GABRB1: variants seen among roughly 807,000 people sequenced by gnomAD.
The protein encoded by GABRB1 is gamma-aminobutyric acid type A receptor subunit beta1.
GABRB1 carries 17 observed loss-of-function variants against 51.6 expected under a neutral mutation model. The ratio of observed to expected loss-of-function variants is 0.33; its 90% CI spans 0.23 to 0.49. The LOEUF (loss-of-function observed/expected upper bound fraction) is 0.49. Among genes scored for constraint, GABRB1 ranks in the 20% least tolerant of loss-of-function variants. The pLI, the probability that GABRB1 is intolerant of heterozygous loss-of-function variation, is 0.99. For missense variants in GABRB1, 410 were observed against 600.6 expected (o/e 0.68, Z 3.32); for synonymous variants, 247 against 218.9 (o/e 1.13, Z -1.14).
At chr4:47,136,656 C>T (rs1391270737) in intron 3 of GABRB1, among the ~76,000 whole-genome samples, 1 of 152,030 alleles carries the variant, frequency 6.6e-6, no homozygotes, top group African/African-American at 2.4e-5. Context: ...AGAATTCACT[C>T]TAATGATATG....
At chr4:47,218,896 G>A (rs1720658992) in intron 4 of GABRB1, among the ~76,000 whole-genome samples, 1 of 151,808 alleles carries the variant, frequency 6.6e-6, no homozygotes. Context: ...CTACATCTAA[G>A]AATACATAGG....
intron 5 of GABRB1, among the ~76,000 whole-genome samples, chr4:47,370,486 C>CA (rs34604260): frequency 0.017 from 2,348 of 140,952 alleles, 50 homozygotes; most frequent in African/African-American, 0.052. Context: ...GACTCCATCT[C>CA]AAAAAAAAAA....
intron 4 of GABRB1, among the ~76,000 whole-genome samples, chr4:47,311,394 G>A (rs552368035): frequency 1.1e-3 from 166 of 146,320 alleles, no homozygotes; most frequent in African/African-American, 3.7e-3. Context: ...CCTGGATAAC[G>A]GAGCGAGACT....
At chr4:47,408,254 G>A (rs1042669327) in intron 8 of GABRB1, among the ~76,000 whole-genome samples, 3 of 152,174 alleles carry the variant, frequency 2.0e-5, no homozygotes, top group Admixed American at 2.0e-4. Flanking sequence ...GTCCATTCTA[G>A]GCAAAGGAAA....
Position 47,425,838 on chromosome 4 carries a change from G to T in GABRB1, c.1245G>T (p.Gly415=), listed in dbSNP as rs764503866. 1.3e-5 allele frequency: 21 copies of T among 1,613,924 alleles called. No individual in the cohort carries two copies. In the Admixed American group the frequency reaches 3.2e-4, roughly 24 times the overall value. ...RKPLSSREAY[G]RALDRHGVPS... ...CCCTGAGCAGCCGCGAGGCCTACGG[G>T]CGCGCCCTGGACCGGCACGGGGTAC... Residue 415 remains glycine, a synonymous_variant, in exon 9 of 9, where the codon GGG becomes GGT. Transcript: ENST00000295454.
intron 3 of GABRB1, among the ~76,000 whole-genome samples, chr4:47,073,135 G>T (rs1727408439): frequency 6.6e-6 from 1 of 152,106 alleles, no homozygotes; most frequent in Admixed American, 6.6e-5. Flanking sequence ...ACTGTCTAGG[G>T]TGCTTCTCTT....
intron 4 of GABRB1, among the ~76,000 whole-genome samples, chr4:47,189,130 T>A (rs1024509235): frequency 1.3e-5 from 2 of 151,762 alleles, no homozygotes; most frequent in Non-Finnish European, 2.9e-5. Context: ...TTGAAGAAGG[T>A]GACATTTGAG....
chr4:47,246,297 T>C (rs1269836046), intron 4 of GABRB1, among the ~76,000 whole-genome samples: 12 of 89,324 alleles, frequency 1.3e-4, no homozygotes, highest in South Asian at 3.6e-4. Context: ...TATATATATA[T>C]ATACACACAC....
chr4:47,227,641 T>A (rs1033935059), intron 4 of GABRB1, among the ~76,000 whole-genome samples: 1 of 152,140 alleles, frequency 6.6e-6, no homozygotes, highest in Non-Finnish European at 1.5e-5. Context: ...TACACCCATG[T>A]AGACCAATGG....
At chr4:47,239,837 G>A (rs1439735465) in intron 4 of GABRB1, among the ~76,000 whole-genome samples, 1 of 152,228 alleles carries the variant, frequency 6.6e-6, no homozygotes, top group Non-Finnish European at 1.5e-5. Context: ...CTGGCTGGCT[G>A]TGTTCTGGCA....
intron 3 of GABRB1, among the ~76,000 whole-genome samples, chr4:47,045,505 A>G (rs1171556379): frequency 2.0e-5 from 3 of 151,758 alleles, no homozygotes; most frequent in Admixed American, 6.6e-5. Flanking sequence ...TTCAGCTGAT[A>G]TAACAGAGTA....
At chr4:47,311,379 T>G (rs560311976) in intron 4 of GABRB1, among the ~76,000 whole-genome samples, 50 of 117,622 alleles carry the variant, frequency 4.3e-4, no homozygotes, top group Admixed American at 5.2e-4. Flanking sequence ...GCCACTGCAC[T>G]CCAGCCTGGA....
chr4:47,219,045 A>G (rs1173187467), intron 4 of GABRB1, among the ~76,000 whole-genome samples: 1 of 151,834 alleles, frequency 6.6e-6, no homozygotes, highest in African/African-American at 2.4e-5. Context: ...AATGAGATGT[A>G]TGGTCTCTGG....
chr4:47,358,460 T>C (rs998745037), intron 5 of GABRB1, among the ~76,000 whole-genome samples: 8 of 151,812 alleles, frequency 5.3e-5, no homozygotes, highest in African/African-American at 1.9e-4. Context: ...AAATCACTCA[T>C]GTAACTGTAG....
At chr4:47,050,331 A>C (rs1726289485) in intron 3 of GABRB1, among the ~76,000 whole-genome samples, 1 of 152,204 alleles carries the variant, frequency 6.6e-6, no homozygotes, top group Admixed American at 6.5e-5. Context: ...TCATCAGACC[A>C]GTACATCATT....
intron 4 of GABRB1, among the ~76,000 whole-genome samples, chr4:47,249,831 G>A (rs1721913184): frequency 6.6e-6 from 1 of 151,994 alleles, no homozygotes; most frequent in African/African-American, 2.4e-5. Flanking sequence ...TATGTGTTAG[G>A]TGAGTCTCCT....
chr4:47,396,847 A>AT (rs1013926044), intron 5 of GABRB1, among the ~76,000 whole-genome samples: 2 of 152,066 alleles, frequency 1.3e-5, no homozygotes, highest in Non-Finnish European at 2.9e-5. Context: ...CACTTTGTGG[A>AT]TTTTTTCCAA....
chr4:47,202,534 T>C (rs1719936599), intron 4 of GABRB1, among the ~76,000 whole-genome samples: 2 of 152,158 alleles, frequency 1.3e-5, no homozygotes, highest in African/African-American at 4.8e-5. Flanking sequence ...ATGTAAATAA[T>C]CCACTTTGAG....
intron 3 of GABRB1, among the ~76,000 whole-genome samples, chr4:47,080,962 G>T (rs887648390): frequency 1.3e-5 from 2 of 152,140 alleles, no homozygotes; most frequent in African/African-American, 4.8e-5. Context: ...TACTCAATAT[G>T]CAAGGCCAGT....
Sources: gnomAD v4.1 joint callset for allele counts (sites outside exome capture counted in the v4.1 genomes callset) on GRCh38, gnomAD v4.1.1 for gene constraint, MANE v1.5 for transcripts, NCBI Gene and HGNC (gene_info 2026-07-23, HGNC 2026-07-21) for gene names.